Variants in LRRC37A2 observed in about 807,000 individuals in gnomAD.
The protein encoded by LRRC37A2 is leucine rich repeat containing 37 member A2.
In LRRC37A2, 9 loss-of-function variants were observed where a neutral mutation model predicts 68.8. The observed-to-expected ratio is 0.13, with a 90% CI of 0.08 to 0.23. The LOEUF (loss-of-function observed/expected upper bound fraction) is 0.23. LRRC37A2 is among the 10% of genes least tolerant of loss of function. The probability of loss-of-function intolerance (pLI) is 1.00; values close to 1 mark genes in which losing one functional copy is unlikely to be tolerated. For missense variants in LRRC37A2, 168 were observed against 950.4 expected (o/e 0.18, Z 10.82); for synonymous variants, 63 against 367.6 (o/e 0.17, Z 9.48).
the LRRC37A2 span, chr17:46,721,595 T>C: frequency 6.4e-7 from 1 of 1,562,684 alleles, no homozygotes; most frequent in East Asian, 2.2e-5. Flanking sequence ...CAATTGAAAC[T>C]CTGGGAATTC....
At chr17:46,851,731 G>GC in the LRRC37A2 span, 8 of 1,248,730 alleles carry the variant, frequency 6.4e-6, no homozygotes, top group East Asian at 3.2e-5. The surrounding 1 kb of genome is among the most constrained non-coding windows in gnomAD (Gnocchi z 4.3). Context: ...TGCCCGCCGC[G>GC]CCCCCCGCCC....
the LRRC37A2 span, among the ~76,000 whole-genome samples, chr17:46,790,835 C>T: frequency 5.3e-5 from 8 of 152,192 alleles, no homozygotes; most frequent in African/African-American, 7.2e-5. Context: ...ACTGCGCTCG[C>T]GTTTTATGTG....
chr17:46,978,915 C>T, the LRRC37A2 span: 1 of 1,466,790 alleles, frequency 6.8e-7, no homozygotes, highest in African/African-American at 1.5e-5. Context: ...ACGTGCCCAG[C>T]CCGTGGGTGC....
the LRRC37A2 span, among the ~76,000 whole-genome samples, chr17:46,953,221 C>G: frequency 6.6e-6 from 1 of 151,824 alleles, no homozygotes; most frequent in Non-Finnish European, 1.5e-5. Context: ...CAACAGTCTC[C>G]GGTGTGTGAT....
the LRRC37A2 span, among the ~76,000 whole-genome samples, chr17:46,649,597 G>GCTAA: frequency 1.3e-5 from 2 of 150,310 alleles, no homozygotes; most frequent in Non-Finnish European, 2.9e-5. Context: ...GAGGGTGGTG[G>GCTAA]CTAATACTTA....
chr17:46,861,618 A>C, the LRRC37A2 span, among the ~76,000 whole-genome samples: 1 of 152,188 alleles, frequency 6.6e-6, no homozygotes, highest in South Asian at 2.1e-4. Context: ...ACCTCATGGC[A>C]TGCTGGTAGC....
chr17:46,932,387 A>T, the LRRC37A2 span: 2 of 656,186 alleles, frequency 3.0e-6, no homozygotes, highest in Non-Finnish European at 5.3e-6. Flanking sequence ...CCCTTTTTCT[A>T]AGACAAAAAC....
chr17:46,904,043 A>G, the LRRC37A2 span, among the ~76,000 whole-genome samples: 1 of 145,836 alleles, frequency 6.9e-6, no homozygotes, highest in Admixed American at 6.7e-5. Flanking sequence ...TGGGGGTTAG[A>G]TAGATGAGTT....
the LRRC37A2 span, chr17:46,938,731 A>G: frequency 1.9e-6 from 3 of 1,614,044 alleles, no homozygotes; most frequent in Non-Finnish European, 2.5e-6. Flanking sequence ...CTGTGTGGTC[A>G]TGTTCCTCGT....
At chr17:47,007,149 AG>A in the LRRC37A2 span, among the ~76,000 whole-genome samples, 1 of 152,150 alleles carries the variant, frequency 6.6e-6, no homozygotes, top group Non-Finnish European at 1.5e-5. Context: ...TTGAGGCTGA[AG>A]CAAATCTGAT....
chr17:46,801,774 G>A, the LRRC37A2 span, among the ~76,000 whole-genome samples: 1 of 152,234 alleles, frequency 6.6e-6, no homozygotes, highest in Non-Finnish European at 1.5e-5. Flanking sequence ...CCACAGCTGT[G>A]AGGGAGGGCA....
chr17:46,720,517 C>T, the LRRC37A2 span, among the ~76,000 whole-genome samples: 3 of 152,158 alleles, frequency 2.0e-5, no homozygotes, highest in African/African-American at 7.2e-5. Context: ...AGGTCCACTT[C>T]CTGAGGCAGT....
the LRRC37A2 span, among the ~76,000 whole-genome samples, chr17:46,814,390 A>T: frequency 1.3e-5 from 2 of 152,182 alleles, no homozygotes; most frequent in East Asian, 3.8e-4. Flanking sequence ...ATACCAACAG[A>T]TCGGCCACCA....
At chr17:46,752,792 G>A in the LRRC37A2 span, among the ~76,000 whole-genome samples, 6 of 151,148 alleles carry the variant, frequency 4.0e-5, no homozygotes, top group Admixed American at 6.6e-5. Context: ...CTTTTGAGAC[G>A]GAGTCTCGCT....
At chr17:46,895,072 T>C in the LRRC37A2 span, among the ~76,000 whole-genome samples, 2 of 152,164 alleles carry the variant, frequency 1.3e-5, no homozygotes, top group Non-Finnish European at 2.9e-5. Context: ...CCTTCCTTGG[T>C]GGTGGCCCCT....
the LRRC37A2 span, among the ~76,000 whole-genome samples, chr17:46,817,739 C>T: frequency 1.2e-3 from 189 of 152,210 alleles, 3 homozygotes; most frequent in Admixed American, 0.01. Context: ...CCTTTCTCCT[C>T]GGTCCTCGGT....
At chr17:46,892,870 G>C in the LRRC37A2 span, among the ~76,000 whole-genome samples, 2 of 152,138 alleles carry the variant, frequency 1.3e-5, no homozygotes, top group Admixed American at 6.6e-5. Flanking sequence ...TCACCACTGT[G>C]TAAGTGTCTG....
At chr17:46,777,199 G>A in the LRRC37A2 span, among the ~76,000 whole-genome samples, 1 of 152,000 alleles carries the variant, frequency 6.6e-6, no homozygotes, top group Non-Finnish European at 1.5e-5. Flanking sequence ...GACAGAGCGA[G>A]ACTTCGTCTC....
At chr17:46,990,544 G>A in the LRRC37A2 span, among the ~76,000 whole-genome samples, 7 of 152,306 alleles carry the variant, frequency 4.6e-5, no homozygotes, top group East Asian at 1.4e-3. Context: ...CACCACACCA[G>A]GAACCAGTGT....
Sources: allele counts gnomAD v4.1 joint callset (sites outside exome capture counted in the v4.1 genomes callset), GRCh38; gene constraint gnomAD v4.1.1; non-coding constraint Gnocchi (gnomAD v3.1); transcripts MANE v1.5; gene names NCBI Gene and HGNC (gene_info 2026-07-23, HGNC 2026-07-21).